SHISAL1: variants seen among roughly 807,000 people sequenced by gnomAD.
SHISAL1 encodes the protein protein shisa-like-1.
SHISAL1 carries 9 observed loss-of-function variants against 22.6 expected under a neutral mutation model. The observed-to-expected ratio is 0.40, with a 90% CI of 0.24 to 0.70. SHISAL1 has a LOEUF of 0.70. Ranked by LOEUF, SHISAL1 falls within the 30% of genes least tolerant of loss-of-function variation. SHISAL1 has a pLI of 0.39. For missense variants in SHISAL1, 246 were observed against 270.6 expected, an observed-to-expected ratio of 0.91 and a Z score of 0.64; for synonymous variants, 119 against 115.4, an observed-to-expected ratio of 1.03 and a Z score of -0.20.
At chr22:44,322,867 C>T in the SHISAL1 span, among the ~76,000 whole-genome samples, 1 of 152,250 alleles carries the variant, frequency 6.6e-6, no homozygotes, top group African/African-American at 2.4e-5. Context: ...CAGCCTCTTC[C>T]TTGGCTGCCC....
At chr22:44,327,475 G>C in the SHISAL1 span, among the ~76,000 whole-genome samples, 1 of 152,136 alleles carries the variant, frequency 6.6e-6, no homozygotes, top group African/African-American at 2.4e-5. Flanking sequence ...TAACTGGGGT[G>C]GGGGGACAGA....
At chr22:44,313,989 C>T (rs971525659), upstream of SHISAL1, among the ~76,000 whole-genome samples, 2 of 152,168 alleles carry the variant, frequency 1.3e-5, no homozygotes, top group African/African-American at 4.8e-5. Context: ...TATGGGCGCC[C>T]AGAGTGCCTG....
In SHISAL1 at chr22:44,245,588, G is replaced by C. The variant is rs1288814393; in HGVS notation, c.*4097C>G. 1 of 152,368 alleles carries C rather than the reference G, an allele frequency of 6.6e-6. No homozygotes were observed. The highest frequency in any genetic ancestry group is 1.5e-5 in the Non-Finnish European group (1 of 68,132). The allele number at this position is 152,368 out of a possible 1,614,324, so 9.4% of individuals were successfully genotyped here. ...TCTCTAATAGACAGACATGGTGATTGTGAAAGCAGCCGAGCCAGCGGAGGG... is the reference window on the plus strand; with the variant it reads ...TCTCTAATAGACAGACATGGTGATTCTGAAAGCAGCCGAGCCAGCGGAGGG... On this transcript the variant is annotated 3_prime_UTR_variant, in exon 5 of 5. Transcript: ENST00000381176.
chr22:44,256,692 C>T (rs2055087134), intron 4 of SHISAL1, among the ~76,000 whole-genome samples: 1 of 151,748 alleles, frequency 6.6e-6, no homozygotes, highest in African/African-American at 2.4e-5. Context: ...TAAAAGCAGG[C>T]TTGTTGCTGC....
At chr22:44,261,636 G>A (rs1007652016) in intron 4 of SHISAL1, among the ~76,000 whole-genome samples, 1 of 152,236 alleles carries the variant, frequency 6.6e-6, no homozygotes, top group African/African-American at 2.4e-5. Context: ...CAGCTCATCA[G>A]CCCACAGTAG....
chr22:44,313,543 G>C (rs1004830977), upstream of SHISAL1, among the ~76,000 whole-genome samples: 2 of 152,242 alleles, frequency 1.3e-5, no homozygotes, highest in Non-Finnish European at 2.9e-5. Context: ...ATGGGGTGGG[G>C]ATGGGGCAGG....
At chr22:44,293,092 G>A (rs888615364) in intron 3 of SHISAL1, among the ~76,000 whole-genome samples, 1 of 152,168 alleles carries the variant, frequency 6.6e-6, no homozygotes, top group South Asian at 2.1e-4. Flanking sequence ...TCTTCCACTG[G>A]GCTGCAGAGA....
intron 4 of SHISAL1, among the ~76,000 whole-genome samples, chr22:44,285,035 G>C (rs1331141545): frequency 6.6e-6 from 1 of 152,050 alleles, no homozygotes; most frequent in Non-Finnish European, 1.5e-5. Flanking sequence ...CTAACCTCAT[G>C]CTGAAAAATC....
chr22:44,260,467 G>A (rs1159275942), intron 4 of SHISAL1, among the ~76,000 whole-genome samples: 1 of 152,210 alleles, frequency 6.6e-6, no homozygotes, highest in East Asian at 1.9e-4. Flanking sequence ...AGTGCCATTA[G>A]GCTGGTAAAG....
At chr22:44,273,620 T>C (rs1392944165) in intron 4 of SHISAL1, among the ~76,000 whole-genome samples, 2 of 152,248 alleles carry the variant, frequency 1.3e-5, no homozygotes, top group African/African-American at 4.8e-5. Context: ...TTCGTTTTAA[T>C]GCAAATTAGG....
intron 1 of SHISAL1, among the ~76,000 whole-genome samples, chr22:44,306,539 A>C (rs2055475888): frequency 9.5e-6 from 1 of 105,612 alleles, no homozygotes; most frequent in African/African-American, 3.6e-5. Context: ...AGCTCTGATG[A>C]CGATGGCATG....
chr22:44,250,591 C>T (rs574284291), intron 4 of SHISAL1, among the ~76,000 whole-genome samples: 1 of 152,320 alleles, frequency 6.6e-6, no homozygotes, highest in East Asian at 1.9e-4. Flanking sequence ...CCCCGACTCC[C>T]TTGCAAGCAG....
chr22:44,309,669 G>A (rs1164074246), intron 1 of SHISAL1, among the ~76,000 whole-genome samples: 1 of 152,184 alleles, frequency 6.6e-6, no homozygotes, highest in East Asian at 1.9e-4. Context: ...TTGTGTGCAT[G>A]CCTGTCTCCA....
chr22:44,296,741 C>A lies in SHISAL1; in HGVS notation c.212G>T (p.Cys71Phe). ...CACCGCCTGGAACTCCGTCTCGTTG[C>A]AGCAGTATTTGAAGACCGTGTTGTT... ...HHNNTVFKYC[C>F]NETEFQAVMQ... The change falls in exon 3 of 5, where the codon TGC (cysteine) becomes TTC (phenylalanine). Residue 71 changes from cysteine to phenylalanine, a missense_variant. Around this residue, in one of 2 missense-constraint regions of SHISAL1, gnomAD observed 110 missense variants for 153.1 expected, o/e 0.72. Coordinates refer to ENST00000381176, the MANE Select transcript of SHISAL1 (RefSeq NM_001099294.2). 1 of 1,614,144 alleles carries A rather than the reference C, an allele frequency of 6.2e-7. No homozygotes were observed. Among genetic ancestry groups the A allele is most frequent in the Non-Finnish European group, 8.5e-7 (1 of 1,180,040 alleles).
intron 4 of SHISAL1, among the ~76,000 whole-genome samples, chr22:44,275,679 T>C (rs2055234760): frequency 6.6e-6 from 1 of 152,216 alleles, no homozygotes; most frequent in Non-Finnish European, 1.5e-5. Context: ...CCACCAGACC[T>C]GGGTTCCAAT....
chr22:44,317,777 C>T (rs999205097), upstream of SHISAL1, among the ~76,000 whole-genome samples: 2 of 152,242 alleles, frequency 1.3e-5, no homozygotes, highest in Non-Finnish European at 2.9e-5. Flanking sequence ...TCCCCAAGTC[C>T]TCTCCGTCCT....
intron 2 of SHISAL1, among the ~76,000 whole-genome samples, chr22:44,299,270 G>A (rs762330760): frequency 1.3e-5 from 2 of 152,192 alleles, no homozygotes; most frequent in Admixed American, 6.5e-5. Context: ...GCCGCATTTC[G>A]GGCCCCGAAG....
chr22:44,278,381 A>G (rs910848433), intron 4 of SHISAL1, among the ~76,000 whole-genome samples: 2 of 152,128 alleles, frequency 1.3e-5, no homozygotes, highest in African/African-American at 4.8e-5. Context: ...ACTCCCCTTT[A>G]TATAGCTCCT....
intron 3 of SHISAL1, among the ~76,000 whole-genome samples, chr22:44,286,348 C>T (rs941404531): frequency 6.6e-6 from 1 of 152,172 alleles, no homozygotes; most frequent in African/African-American, 2.4e-5. Context: ...GGCCCCATGA[C>T]CTCACTTCTG....
Sources: allele counts gnomAD v4.1 joint callset (sites outside exome capture counted in the v4.1 genomes callset), GRCh38; gene constraint gnomAD v4.1.1; regional missense constraint gnomAD v4.1.1; transcripts MANE v1.5; gene names NCBI Gene and HGNC (gene_info 2026-07-23, HGNC 2026-07-21).